SLX4IP: variants seen among roughly 807,000 people sequenced by gnomAD.
SLX4IP encodes the protein protein SLX4IP.
SLX4IP carries 34 observed loss-of-function variants against 32.9 expected under a neutral mutation model. The ratio of observed to expected loss-of-function variants is 1.03; its 90% CI spans 0.79 to 1.38. SLX4IP has a LOEUF of 1.38. SLX4IP is among the 40% of genes most tolerant of loss of function. SLX4IP has a pLI of 0.00. For missense variants in SLX4IP, 444 were observed against 479.0 expected (o/e 0.93, Z 0.68); for synonymous variants, 172 against 171.7 (o/e 1.00, Z -0.01).
chr20:10,609,269 C>G (rs1045078866), intron 6 of SLX4IP, among the ~76,000 whole-genome samples: 1 of 152,180 alleles, frequency 6.6e-6, no homozygotes. Context: ...ATCAGAACAC[C>G]CACAGTGATA....
chr20:10,578,473 A>G (rs974405630), intron 4 of SLX4IP, among the ~76,000 whole-genome samples: 4 of 152,258 alleles, frequency 2.6e-5, no homozygotes, highest in Non-Finnish European at 5.9e-5. Flanking sequence ...TATTTTGTCC[A>G]TTCATCAATT....
chr20:10,500,130 C>CTTTTTTTTTTTTTTTTTTTTTTTTTTTTT (rs34751503), intron 2 of SLX4IP, among the ~76,000 whole-genome samples: 1 of 90,074 alleles, frequency 1.1e-5, no homozygotes, highest in Non-Finnish European at 2.0e-5. Context: ...TGTCAAAATT[C>CTTTTTTTTTTTTTTTTTTTTTTTTTTTTT]TTTTTTTTTT....
Position 10,499,615 on chromosome 20 carries a change from C to T in SLX4IP, c.27+41384C>T, listed in dbSNP as rs1359721935. Among the ~76,000 whole-genome samples the T allele has an allele frequency of 2.6e-5, 4 of 152,074 alleles. No individual in the cohort carries two copies. The East Asian group carries it at 7.7e-4, about 29-fold the overall frequency. ...ATATTTAAATATATTAGTAGTATTA[C>T]CTACAGACAAGACAAATTTTTTGAT... On this transcript the variant is annotated intron_variant, in intron 2 of 7. Coordinates refer to ENST00000334534, the MANE Select transcript of SLX4IP (RefSeq NM_001009608.3).
At chr20:10,445,701 T>C (rs563145097) in intron 1 of SLX4IP, among the ~76,000 whole-genome samples, 1 of 151,284 alleles carries the variant, frequency 6.6e-6, no homozygotes, top group Admixed American at 6.6e-5. Flanking sequence ...CTCGGCTCAC[T>C]GCAACCTCCG....
At chr20:10,617,128 C>T (rs960724551) in intron 6 of SLX4IP, among the ~76,000 whole-genome samples, 2 of 152,246 alleles carry the variant, frequency 1.3e-5, no homozygotes, top group African/African-American at 4.8e-5. Flanking sequence ...ACACTTCCCA[C>T]ATGATTTTGA....
chr20:10,485,245 C>T (rs756677185), intron 2 of SLX4IP, among the ~76,000 whole-genome samples: 4 of 152,030 alleles, frequency 2.6e-5, no homozygotes, highest in African/African-American at 9.7e-5. Context: ...GATGCTTATA[C>T]AGTTGACCCT....
intron 6 of SLX4IP, chr20:10,613,062 G>A (rs2066986431): frequency 1.5e-5 from 4 of 263,132 alleles, no homozygotes; most frequent in East Asian, 2.1e-4. Context: ...TGTTCTAGCT[G>A]GGTAGAGAGC....
intron 1 of SLX4IP, among the ~76,000 whole-genome samples, chr20:10,445,788 C>A (rs12480940): frequency 1.3e-5 from 2 of 151,896 alleles, no homozygotes; most frequent in East Asian, 3.9e-4. Flanking sequence ...CTAAGCCCGG[C>A]TAATTTTTTG....
chr20:10,473,954 C>G (rs1338542818), intron 2 of SLX4IP, among the ~76,000 whole-genome samples: 1 of 152,116 alleles, frequency 6.6e-6, no homozygotes, highest in Non-Finnish European at 1.5e-5. Context: ...TTCCAAGTAG[C>G]TGGGATTACA....
At chr20:10,581,720 A>G (rs1443179332) in intron 4 of SLX4IP, among the ~76,000 whole-genome samples, 3 of 152,142 alleles carry the variant, frequency 2.0e-5, no homozygotes, top group African/African-American at 7.2e-5. Flanking sequence ...GTTCAAGACC[A>G]GCCTGGGCAA....
chr20:10,601,964 T>A, intron 6 of SLX4IP, 145 bp downstream of exon 6: 1 of 661,612 alleles, frequency 1.5e-6, no homozygotes, highest in Non-Finnish European at 2.6e-6. Context: ...GCCCTACCTG[T>A]TTTACGTGGT....
intron 2 of SLX4IP, among the ~76,000 whole-genome samples, chr20:10,528,655 C>G (rs2065959705): frequency 6.6e-6 from 1 of 152,156 alleles, no homozygotes; most frequent in East Asian, 1.9e-4. Flanking sequence ...AGACCTGTCT[C>G]CTTATGTACC....
chr20:10,515,107 G>A (rs373905792), intron 2 of SLX4IP, among the ~76,000 whole-genome samples: 68 of 104,588 alleles, frequency 6.5e-4, no homozygotes, highest in African/African-American at 2.1e-3. Context: ...TTTTTGAGAC[G>A]GAGTCTTACT....
chr20:10,531,085 G>A (rs1046863992), intron 2 of SLX4IP, among the ~76,000 whole-genome samples: 11 of 152,098 alleles, frequency 7.2e-5, no homozygotes, highest in African/African-American at 2.7e-4. Context: ...AAGATGGATG[G>A]GCCTAGTAGA....
chr20:10,516,119 C>T (rs1006410375), intron 2 of SLX4IP, among the ~76,000 whole-genome samples: 42 of 152,144 alleles, frequency 2.8e-4, no homozygotes, highest in African/African-American at 9.4e-4. Context: ...AATTTCTGAG[C>T]TCAAGGGAGC....
chr20:10,510,603 T>A (rs946465467), intron 2 of SLX4IP, among the ~76,000 whole-genome samples: 28 of 128,950 alleles, frequency 2.2e-4, no homozygotes, highest in East Asian at 8.8e-4. Context: ...TATTATTATT[T>A]TTATTATTTT....
intron 4 of SLX4IP, among the ~76,000 whole-genome samples, chr20:10,597,466 G>C (rs927753568): frequency 3.9e-5 from 6 of 152,232 alleles, no homozygotes; most frequent in African/African-American, 1.2e-4. Flanking sequence ...TGAATCATCT[G>C]AAAATCTGTT....
At chr20:10,578,497 G>A (rs915822933) in intron 4 of SLX4IP, among the ~76,000 whole-genome samples, 1 of 152,188 alleles carries the variant, frequency 6.6e-6, no homozygotes, top group African/African-American at 2.4e-5. Flanking sequence ...GGACATTTGG[G>A]TTGTTAACCA....
intron 2 of SLX4IP, among the ~76,000 whole-genome samples, chr20:10,492,725 G>A (rs548920864): frequency 1.3e-5 from 2 of 152,022 alleles, no homozygotes; most frequent in Non-Finnish European, 2.9e-5. Flanking sequence ...CAACCAAAAT[G>A]TATCTAATAT....
Sources: gnomAD v4.1 joint callset for allele counts (sites outside exome capture counted in the v4.1 genomes callset) on GRCh38, gnomAD v4.1.1 for gene constraint, MANE v1.5 for transcripts, NCBI Gene and HGNC (gene_info 2026-07-23, HGNC 2026-07-21) for gene names.